The following AARS1 variants were observed in gnomAD, a reference collection of about 807,000 sequenced individuals.
The protein encoded by AARS1 is alanine--tRNA ligase, cytoplasmic.
Under a neutral mutation model 108.9 loss-of-function variants are expected in AARS1, and 72 were observed. The observed-to-expected ratio is 0.66, with a 90% CI of 0.55 to 0.80. The LOEUF is 0.80. Among genes scored for constraint, AARS1 ranks in the 30% least tolerant of loss-of-function variants. The pLI is 0.00. For missense variants in AARS1, 1,193 were observed against 1,233.2 expected, an observed-to-expected ratio of 0.97 and a Z score of 0.49; for synonymous variants, 489 against 465.7, an observed-to-expected ratio of 1.05 and a Z score of -0.64.
At chr16:70,262,972 A>C (rs1236534067) in intron 11 of AARS1, among the ~76,000 whole-genome samples, 2 of 121,814 alleles carry the variant, frequency 1.6e-5, no homozygotes, top group Non-Finnish European at 3.1e-5. Flanking sequence ...GGTCTCAAAA[A>C]AAAAAAAAAA....
intron 13 of AARS1, 125 bp from the exon 14 acceptor site, chr16:70,259,311 T>C (rs1210097771): frequency 2.9e-6 from 3 of 1,019,352 alleles, no homozygotes; most frequent in East Asian, 2.5e-5. Context: ...AAAGGTTACA[T>C]TTCCCAGCTT....
chr16:70,282,750 A>G lies in AARS1; in HGVS notation c.14T>C (p.Leu5Pro). The change falls in exon 2 of 21, where the codon CTA becomes CCA. Residue 5 changes from leucine (L) to proline (P), a missense_variant. Coordinates refer to ENST00000261772, the MANE Select transcript of AARS1 (RefSeq NM_001605.3). Reference sequence around the variant, plus strand: ...TCGCTGCCGGATTTCACTTGCTGTTAGAGTAGAGTCCATCTTGAAAGTCAC... The same window carrying G: ...TCGCTGCCGGATTTCACTTGCTGTTGGAGTAGAGTCCATCTTGAAAGTCAC... MDST[L>P]TASEIRQRFI... 6.2e-7 allele frequency: 1 copy of G among 1,614,134 alleles called. No individual in the cohort carries two copies. The highest frequency in any genetic ancestry group is 8.5e-7 in the Non-Finnish European group (1 of 1,180,008).
chr16:70,252,493 G>T lies in AARS1; in HGVS notation c.*228C>A, dbSNP rs1292490453. ...CGTTATCTATAGATGCGAGCGTGAC[G>T]ATCAACAGCAATGCGGGGTTAGTGG... is the stretch of plus-strand genomic sequence containing the variant. On this transcript the variant is annotated 3_prime_UTR_variant, in exon 21 of 21. Transcript: ENST00000261772. 1 of 585,286 alleles carries T rather than the reference G, an allele frequency of 1.7e-6. No homozygotes were observed. The highest frequency in any genetic ancestry group is 3.1e-6 in the Non-Finnish European group (1 of 327,620). The allele number at this position is 585,286 out of a possible 1,614,324, so 36.3% of individuals were successfully genotyped here.
At chr16:70,277,368 G>A (rs913006257) in intron 2 of AARS1, among the ~76,000 whole-genome samples, 29 of 152,234 alleles carry the variant, frequency 1.9e-4, no homozygotes, top group African/African-American at 6.3e-4. Flanking sequence ...CTCCCTAACA[G>A]TCCCCACCAC....
In AARS1 at chr16:70,253,904, G is replaced by A; in HGVS notation, c.2520+15C>T. 1.2e-6 allele frequency: 2 copies of A among 1,614,226 alleles called. No homozygotes were observed. Among genetic ancestry groups the A allele is most frequent in the Non-Finnish European group, 1.7e-6 (2 of 1,180,034 alleles). Reference sequence around the variant, plus strand: ...CCTAGGAAACACTCTGGCCACTGGTGCTGCCAGGACTCACTCGTTTCTGGA... The same window carrying A: ...CCTAGGAAACACTCTGGCCACTGGTACTGCCAGGACTCACTCGTTTCTGGA... On this transcript the variant is annotated intron_variant, in intron 18 of 20. Transcript: ENST00000261772.
chr16:70,254,087 T>A, intron 17 of AARS1, 49 bp from the exon 18 acceptor site: 1 of 1,610,566 alleles, frequency 6.2e-7, no homozygotes. Flanking sequence ...CTTGCTGGGA[T>A]GTCAGGGTCC....
chr16:70,252,504 A>T lies in AARS1; in HGVS notation c.*217T>A. 1 of 595,162 alleles carries T rather than the reference A, an allele frequency of 1.7e-6. No individual in the cohort carries two copies. Among genetic ancestry groups the T allele is most frequent in the Non-Finnish European group, 3.0e-6 (1 of 333,828 alleles). The allele number at this position is 595,162 out of a possible 1,614,324, so 36.9% of individuals were successfully genotyped here. A position where few individuals can be genotyped will look rare whatever the true frequency, so the allele number is the denominator to read the frequency against. Reference sequence around the variant, plus strand: ...GATGCGAGCGTGACGATCAACAGCAATGCGGGGTTAGTGGTTCTAGACCGA... The same window carrying T: ...GATGCGAGCGTGACGATCAACAGCATTGCGGGGTTAGTGGTTCTAGACCGA... On this transcript the variant is annotated 3_prime_UTR_variant, in exon 21 of 21. Transcript: ENST00000261772.
At position 70,265,015 on chromosome 16, in the gene AARS1, C is replaced by T. The variant is rs146082956; in HGVS notation, c.1435G>A (p.Glu479Lys). Residue 479 changes from glutamate (E) to lysine (K), a missense_variant, in exon 11 of 21, where the codon GAG becomes AAG. By Grantham distance (56) the Glu-to-Lys change is moderately conservative (BLOSUM62 1). Transcript: ENST00000261772. ...TACTTTGGGGAATCATCTGTGACCT[C>T]CAGACCCCGTGCCCGGAGCTCTTCG... ...AIEELRARGL[E>K]VTDDSPKYNY... 3.1e-6 allele frequency: 5 copies of T among 1,614,038 alleles called. No individual in the cohort carries two copies. The highest frequency in any genetic ancestry group is 4.2e-6 in the Non-Finnish European group (5 of 1,180,036).
At chr16:70,254,090 C>T in intron 17 of AARS1, 52 bp from the exon 18 acceptor site, 4 of 1,609,570 alleles carry the variant, frequency 2.5e-6, no homozygotes, top group Non-Finnish European at 3.4e-6. Flanking sequence ...GCTGGGATGT[C>T]AGGGTCCAGC....
In AARS1 at chr16:70,252,466, G is replaced by A; in HGVS notation, c.*255C>T. ...GACGCGGAAAGCTCAGGTCTGGAGA[G>A]CCGTTATCTATAGATGCGAGCGTGA... is the stretch of plus-strand genomic sequence containing the variant. On this transcript the variant is annotated 3_prime_UTR_variant, in exon 21 of 21. Transcript: ENST00000261772. 1.8e-6 allele frequency: 1 copy of A among 553,386 alleles called. No individual in the cohort carries two copies. Among genetic ancestry groups the A allele is most frequent in the African/African-American group, 1.9e-5 (1 of 53,150 alleles). The allele number at this position is 553,386 out of a possible 1,614,324, so 34.3% of individuals were successfully genotyped here.
At chr16:70,265,723 C>A in intron 9 of AARS1, 61 bp from the exon 10 acceptor site, 1 of 1,605,196 alleles carries the variant, frequency 6.2e-7, no homozygotes, top group South Asian at 1.1e-5. Context: ...ATGCCAAGCC[C>A]TCCAAAAGGA....
chr16:70,268,514 A>G (rs548026719), intron 7 of AARS1, 135 bp from the exon 8 acceptor site: 1 of 688,982 alleles, frequency 1.5e-6, no homozygotes, highest in East Asian at 2.8e-5. Context: ...GCATTCCCCA[A>G]GGTCATTAAT....
At chr16:70,262,253 T>G in intron 12 of AARS1, 93 bp downstream of exon 12, 1 of 1,491,466 alleles carries the variant, frequency 6.7e-7, no homozygotes, top group East Asian at 2.3e-5. Context: ...GTGTCAGGTC[T>G]GCTCCCAAGG....
intron 12 of AARS1, chr16:70,261,522 C>T (rs1960130583): frequency 3.8e-6 from 1 of 261,786 alleles, no homozygotes; most frequent in Non-Finnish European, 7.4e-6. Flanking sequence ...CGCTTGAACC[C>T]GGAAGGCAGA....
Position 70,268,312 on chromosome 16 carries a change from C to G in AARS1, c.1030G>C (p.Gly344Arg). The change falls in exon 8 of 21, where the codon GGC becomes CGC. Residue 344 changes from glycine (G) to arginine (R), a missense_variant. By Grantham distance (125) the Gly-to-Arg change is moderately radical. Transcript: ENST00000261772. ...ACATCCACTAACGTAGCAAAGAAGCCCCTGCTGGCATTGAGCTTTTCATGG... is the reference window on the plus strand; with the variant it reads ...ACATCCACTAACGTAGCAAAGAAGCGCCTGCTGGCATTGAGCTTTTCATGG... Reference protein sequence around the residue: ...YAHEKLNASRGFFATLVDVVV... With the variant: ...YAHEKLNASRRFFATLVDVVV... The G allele has an allele frequency of 6.2e-7, 1 of 1,614,158 alleles. No individual in the cohort carries two copies. The highest frequency in any genetic ancestry group is 8.5e-7 in the Non-Finnish European group (1 of 1,180,024).
chr16:70,272,330 C>G (rs1332690790), intron 4 of AARS1, among the ~76,000 whole-genome samples: 1 of 151,354 alleles, frequency 6.6e-6, no homozygotes, highest in Non-Finnish European at 1.5e-5. Flanking sequence ...CATGGAGAAA[C>G]CTTGTCTCTA....
At chr16:70,261,271 C>G in intron 12 of AARS1, 114 bp from the exon 13 acceptor site, 1 of 712,302 alleles carries the variant, frequency 1.4e-6, no homozygotes, top group Non-Finnish European at 2.5e-6. Flanking sequence ...GTAAATTGCA[C>G]ACACACACAT....
Position 70,269,713 on chromosome 16 carries a change from A to T in AARS1, c.867T>A (p.Asp289Glu). The change falls in exon 7 of 21, where the codon GAT (aspartate) becomes GAA (glutamate). Residue 289 changes from aspartate to glutamate, a missense_variant. By Grantham distance (45) the Asp-to-Glu change is conservative. Coordinates refer to ENST00000261772, the MANE Select transcript of AARS1 (RefSeq NM_001605.3). ...GCACCCGGTAGGCCATGTCAATCCC[A>T]TCGGCATCCTCAGCACCAACTTTCC... Reference protein sequence around the residue: ...YTGKVGAEDADGIDMAYRVLA... With the variant: ...YTGKVGAEDAEGIDMAYRVLA... 2 of 1,614,122 alleles carry T rather than the reference A, an allele frequency of 1.2e-6. No homozygotes were observed. The highest frequency in any genetic ancestry group is 2.2e-5 in the South Asian group (2 of 91,076).
rs914964415 is a variant in AARS1 at position 70,289,476 on chromosome 16, G to C, written c.-77C>G. On this transcript the variant is annotated 5_prime_UTR_variant, in exon 1 of 21. Coordinates refer to ENST00000261772, the MANE Select transcript of AARS1 (RefSeq NM_001605.3). ...CCTCAGAGTCCCCCGCCAAGGGCCC[G>C]CTGCACCTATTCCCGCAGACGCGCA... 1 of 435,000 alleles carries C rather than the reference G, an allele frequency of 2.3e-6. No homozygotes were observed. Among genetic ancestry groups the C allele is most frequent in the African/African-American group, 2.0e-5 (1 of 49,894 alleles). The allele number at this position is 435,000 out of a possible 1,614,324, so 26.9% of individuals were successfully genotyped here.
Sources: allele counts gnomAD v4.1 joint callset (sites outside exome capture counted in the v4.1 genomes callset), GRCh38; gene constraint gnomAD v4.1.1; transcripts MANE v1.5; gene names NCBI Gene and HGNC (gene_info 2026-07-23, HGNC 2026-07-21).